The following VAT1L variants were observed in gnomAD, a reference collection of about 807,000 sequenced individuals.
The protein encoded by VAT1L is vesicle amine transport 1 like.
VAT1L carries 34 observed loss-of-function variants against 44.1 expected under a neutral mutation model. The ratio of observed to expected loss-of-function variants is 0.77; its 90% CI spans 0.59 to 1.03. The LOEUF (loss-of-function observed/expected upper bound fraction) is 1.03. VAT1L is among the 50% of genes least tolerant of loss of function. The pLI, the probability that VAT1L is intolerant of heterozygous loss-of-function variation, is 0.00. For missense variants in VAT1L, 615 were observed against 538.8 expected, an observed-to-expected ratio of 1.14 and a Z score of -1.40; for synonymous variants, 253 against 202.2, an observed-to-expected ratio of 1.25 and a Z score of -2.13.
chr16:77,957,826 G>T (rs1193915932), intron 7 of VAT1L, among the ~76,000 whole-genome samples: 1 of 150,938 alleles, frequency 6.6e-6, no homozygotes, highest in Non-Finnish European at 1.5e-5. Flanking sequence ...TACCATTCTC[G>T]TGTGGAATTG....
At chr16:77,944,954 T>C (rs542011166) in intron 7 of VAT1L, among the ~76,000 whole-genome samples, 1 of 152,298 alleles carries the variant, frequency 6.6e-6, no homozygotes, top group Admixed American at 6.5e-5. Flanking sequence ...TCTTCCAAGC[T>C]GTCTTCATCC....
At chr16:77,946,276 G>GCTCTTTTTTTTTTTTTTTTTTTTTT (rs1441996306) in intron 7 of VAT1L, among the ~76,000 whole-genome samples, 2 of 33,876 alleles carry the variant, frequency 5.9e-5, no homozygotes, top group Non-Finnish European at 1.1e-4. Context: ...TAGGTTACTT[G>GCTCTTTTTTTTTTTTTTTTTTTTTT]TTCTTTTTTT....
intron 7 of VAT1L, among the ~76,000 whole-genome samples, chr16:77,911,202 C>T (rs72796706): frequency 4.2e-4 from 64 of 152,308 alleles, no homozygotes; most frequent in Admixed American, 1.1e-3. Flanking sequence ...AGTGCAATAT[C>T]GTTGGTTATC....
In VAT1L at chr16:77,950,378, C is replaced by A. The variant is rs940019995; in HGVS notation, c.1078-21472C>A. ...GAGCTGAGAGCATGCCACTGCACTC[C>A]AGCCTGGGCGACAGAGCAAGATTCC... is the stretch of plus-strand genomic sequence containing the variant. On this transcript the variant is annotated intron_variant, in intron 7 of 8. Transcript: ENST00000302536. Among the ~76,000 whole-genome samples, 8 of 145,698 alleles carry A rather than the reference C, an allele frequency of 5.5e-5. 1 individual carries two copies. Among genetic ancestry groups the A allele is most frequent in the Admixed American group, 3.4e-4 (5 of 14,542 alleles).
Position 77,940,635 on chromosome 16 carries a change from G to A in VAT1L, c.1078-31215G>A, listed in dbSNP as rs189346553. 3.9e-3 allele frequency among the ~76,000 whole-genome samples: 592 copies of A among 152,160 alleles called. 2 individuals are homozygous for A. Among genetic ancestry groups the A allele is most frequent in the African/African-American group, 0.013 (520 of 41,518 alleles). On this transcript the variant is annotated intron_variant, in intron 7 of 8. Coordinates refer to ENST00000302536, the MANE Select transcript of VAT1L (RefSeq NM_020927.3). ...TGGGATTACAGGCATGAGCCACTGC[G>A]CCCAGCCCCACACCACTGTCTTTAG...
At chr16:77,933,408 A>C (rs1166096016) in intron 7 of VAT1L, among the ~76,000 whole-genome samples, 2 of 152,254 alleles carry the variant, frequency 1.3e-5, no homozygotes, top group Non-Finnish European at 2.9e-5. Flanking sequence ...TCATTTGAAT[A>C]TTCATTAAAC....
intron 7 of VAT1L, among the ~76,000 whole-genome samples, chr16:77,947,061 C>G (rs940364450): frequency 6.6e-6 from 1 of 152,212 alleles, no homozygotes; most frequent in Non-Finnish European, 1.5e-5. Flanking sequence ...GAGGAAAACA[C>G]TCAGCTAATA....
chr16:77,845,194 C>T (rs978198662), intron 3 of VAT1L, among the ~76,000 whole-genome samples: 3 of 151,952 alleles, frequency 2.0e-5, no homozygotes, highest in Admixed American at 6.5e-5. Context: ...CTGACAGTCC[C>T]CATTCACACA....
intron 7 of VAT1L, among the ~76,000 whole-genome samples, chr16:77,970,338 C>T (rs747985027): frequency 2.6e-5 from 4 of 152,162 alleles, no homozygotes; most frequent in South Asian, 2.1e-4. Flanking sequence ...ACCAGACTGA[C>T]GCTAAAGTTA....
At position 77,977,638 on chromosome 16, in the gene VAT1L, G is replaced by A. The variant is rs751306268; in HGVS notation, c.1203G>A (p.Glu401=). ...CAGAGACCAGTGAAGCAGGGGAAGA[G>A]GAGGAGGACCACGAGGGAGACAGCG... ...DSTETSEAGE[E]EEDHEGDSEN... Residue 401 remains glutamate (E), a synonymous_variant, in exon 9 of 9, where the codon GAG becomes GAA. Coordinates refer to ENST00000302536, the MANE Select transcript of VAT1L (RefSeq NM_020927.3). 5.6e-6 allele frequency: 9 copies of A among 1,613,996 alleles called. No individual in the cohort carries two copies. Among genetic ancestry groups the A allele is most frequent in the South Asian group, 2.2e-5 (2 of 91,086 alleles).
intron 7 of VAT1L, among the ~76,000 whole-genome samples, chr16:77,919,236 G>C (rs2017585668): frequency 6.6e-6 from 1 of 152,168 alleles, no homozygotes; most frequent in South Asian, 2.1e-4. Flanking sequence ...GGGGAAAACA[G>C]AGAGCCCCTT....
chr16:77,965,292 G>C (rs1457334098), intron 7 of VAT1L, among the ~76,000 whole-genome samples: 5 of 152,156 alleles, frequency 3.3e-5, no homozygotes, highest in African/African-American at 1.2e-4. Flanking sequence ...CATAAGATGA[G>C]ATGCAGAGAG....
intron 4 of VAT1L, among the ~76,000 whole-genome samples, chr16:77,864,622 T>G (rs1180254300): frequency 6.6e-6 from 1 of 152,088 alleles, no homozygotes; most frequent in Non-Finnish European, 1.5e-5. Context: ...GGGAAACAAT[T>G]TTCTTCAAAT....
intron 3 of VAT1L, among the ~76,000 whole-genome samples, chr16:77,838,407 GC>G (rs2016663651): frequency 6.6e-6 from 1 of 152,136 alleles, no homozygotes. Flanking sequence ...GTTGGCCCTG[GC>G]CCCCCATCAC....
At chr16:77,795,495 C>T (rs2015913243) in intron 1 of VAT1L, among the ~76,000 whole-genome samples, 1 of 152,082 alleles carries the variant, frequency 6.6e-6, no homozygotes, top group Non-Finnish European at 1.5e-5. Flanking sequence ...CTTCTGATGG[C>T]TTGTTTGTAG....
chr16:77,947,786 G>A (rs976622276), intron 7 of VAT1L, among the ~76,000 whole-genome samples: 17 of 152,076 alleles, frequency 1.1e-4, no homozygotes, highest in African/African-American at 3.6e-4. Flanking sequence ...GTGGAGTTTC[G>A]CTCTTGTTGT....
At chr16:77,944,719 G>C (rs2017937726) in intron 7 of VAT1L, among the ~76,000 whole-genome samples, 1 of 152,172 alleles carries the variant, frequency 6.6e-6, no homozygotes, top group South Asian at 2.1e-4. Context: ...ACAGTAGTCA[G>C]AGCTCAAATA....
intron 1 of VAT1L, chr16:77,801,100 G>C (rs2016041448): frequency 6.6e-6 from 1 of 152,102 alleles, no homozygotes; most frequent in Non-Finnish European, 1.5e-5. Flanking sequence ...AATTGCTGGG[G>C]TTACAAGCGT....
intron 3 of VAT1L, among the ~76,000 whole-genome samples, chr16:77,839,326 G>A (rs1055781924): frequency 6.6e-6 from 1 of 151,798 alleles, no homozygotes; most frequent in Non-Finnish European, 1.5e-5. Context: ...ACGAGGTCAG[G>A]AGATGGAGAC....
Sources: allele counts gnomAD v4.1 joint callset (sites outside exome capture counted in the v4.1 genomes callset), GRCh38; gene constraint gnomAD v4.1.1; transcripts MANE v1.5; gene names NCBI Gene and HGNC (gene_info 2026-07-23, HGNC 2026-07-21).